The following GALM variants were observed in gnomAD, a reference collection of about 807,000 sequenced individuals.
GALM encodes the protein galactose mutarotase, also known as aldose 1-epimerase.
A neutral mutation model predicts 37.4 loss-of-function variants in GALM; 43 were observed. The ratio of observed to expected loss-of-function variants is 1.15; its 90% CI spans 0.90 to 1.48. The LOEUF (loss-of-function observed/expected upper bound fraction) is 1.48. GALM is among the 40% of genes most tolerant of loss of function. GALM has a pLI of 0.00. For synonymous variants in GALM, 199 were observed against 170.6 expected, an observed-to-expected ratio of 1.17 and a Z score of -1.30; for missense variants, 456 against 419.1, an observed-to-expected ratio of 1.09 and a Z score of -0.77.
At chr2:38,694,539 G>C (rs1665755838) in intron 4 of GALM, among the ~76,000 whole-genome samples, 2 of 152,126 alleles carry the variant, frequency 1.3e-5, no homozygotes, top group South Asian at 4.1e-4. Flanking sequence ...AGGGAAGGAG[G>C]GAGAGGTTTT....
chr2:38,697,776 A>G (rs1017831089), intron 4 of GALM, among the ~76,000 whole-genome samples: 1 of 152,128 alleles, frequency 6.6e-6, no homozygotes, highest in Non-Finnish European at 1.5e-5. Context: ...AAGAGATACC[A>G]TGGTATGCAG....
intron 5 of GALM, among the ~76,000 whole-genome samples, chr2:38,730,112 T>G (rs897631476): frequency 6.6e-6 from 1 of 152,236 alleles, no homozygotes; most frequent in African/African-American, 2.4e-5. Context: ...CCTCCAGCCT[T>G]GACCGATAGA....
chr2:38,700,306 G>A (rs546593831), intron 4 of GALM, among the ~76,000 whole-genome samples: 2 of 152,222 alleles, frequency 1.3e-5, no homozygotes, highest in East Asian at 1.9e-4. Context: ...TAGATGATCT[G>A]TTCAGTGCAG....
chr2:38,682,247 G>A (rs7557775), intron 3 of GALM: 297 of 455,332 alleles, frequency 6.5e-4, no homozygotes, highest in African/African-American at 5.6e-3. Flanking sequence ...AAAGGTAACA[G>A]TTTAGCTCAT....
At chr2:38,727,467 G>A (rs993524848) in intron 4 of GALM, among the ~76,000 whole-genome samples, 1 of 151,690 alleles carries the variant, frequency 6.6e-6, no homozygotes, top group Admixed American at 6.6e-5. Context: ...AGTGGTTCAC[G>A]CCTGTAATCC....
At chr2:38,705,102 T>G (rs1363542735) in intron 4 of GALM, among the ~76,000 whole-genome samples, 1 of 152,176 alleles carries the variant, frequency 6.6e-6, no homozygotes, top group Non-Finnish European at 1.5e-5. Flanking sequence ...GTCAGTGAAT[T>G]TGTCAGAAGG....
At chr2:38,672,288 A>G (rs1361888058) in intron 1 of GALM, among the ~76,000 whole-genome samples, 1 of 152,146 alleles carries the variant, frequency 6.6e-6, no homozygotes, top group Non-Finnish European at 1.5e-5. Flanking sequence ...ACAGTCAAAC[A>G]TCTTGTTTTT....
intron 4 of GALM, among the ~76,000 whole-genome samples, chr2:38,722,655 T>G (rs941462463): frequency 6.6e-6 from 1 of 152,244 alleles, no homozygotes; most frequent in Non-Finnish European, 1.5e-5. Flanking sequence ...TTCTTTTTCC[T>G]GAACACTCAG....
chr2:38,675,539 T>G (rs958721516), intron 1 of GALM, among the ~76,000 whole-genome samples: 2,066 of 82,444 alleles, frequency 0.025, 23 homozygotes, highest in African/African-American at 0.056. Context: ...TTTTTTTTTT[T>G]TTTTTGTGTG....
intron 4 of GALM, among the ~76,000 whole-genome samples, chr2:38,698,608 G>A (rs565664396): frequency 2.0e-5 from 3 of 152,122 alleles, no homozygotes; most frequent in East Asian, 1.9e-4. Flanking sequence ...AGTCCCTCTG[G>A]CATGTGTTTT....
At chr2:38,686,283 T>A (rs1665531888) in intron 3 of GALM, among the ~76,000 whole-genome samples, 1 of 139,898 alleles carries the variant, frequency 7.1e-6, no homozygotes, top group Non-Finnish European at 1.5e-5. Flanking sequence ...TTTCTTATTT[T>A]GAGATGGAGT....
chr2:38,703,057 TA>T (rs1665952510), intron 4 of GALM, among the ~76,000 whole-genome samples: 9 of 2,964 alleles, frequency 3.0e-3, no homozygotes, highest in Admixed American at 5.6e-3. Flanking sequence ...TGGGATTTTA[TA>T]TATATATATA....
At chr2:38,685,671 CA>C (rs1395593208) in intron 3 of GALM, among the ~76,000 whole-genome samples, 1 of 152,096 alleles carries the variant, frequency 6.6e-6, no homozygotes, top group African/African-American at 2.4e-5. Context: ...TGCGTTTTTC[CA>C]GCCTAGAAGA....
chr2:38,682,662 C>T (rs747471845), intron 3 of GALM, among the ~76,000 whole-genome samples: 12 of 152,098 alleles, frequency 7.9e-5, no homozygotes, highest in Non-Finnish European at 1.3e-4. Context: ...TTTGGGAGGC[C>T]GAGATGAGTG....
intron 5 of GALM, among the ~76,000 whole-genome samples, chr2:38,730,404 T>A (rs1215438184): frequency 6.6e-6 from 1 of 152,198 alleles, no homozygotes; most frequent in East Asian, 1.9e-4. Flanking sequence ...GTAGCTGGGA[T>A]AACAGGCACG....
At chr2:38,694,999 T>C (rs1054679664) in intron 4 of GALM, among the ~76,000 whole-genome samples, 6 of 152,118 alleles carry the variant, frequency 3.9e-5, no homozygotes, top group African/African-American at 1.4e-4. Context: ...AGATCCCTTG[T>C]CTTTCTGGTT....
Position 38,729,667 on chromosome 2 carries a change from A to G in GALM, c.746A>G (p.Lys249Arg). ...LNGFDHNFCL[K>R]GSKEKHFCAR... is the part of the protein sequence containing the mutation. Reference sequence around the variant, plus strand: ...GGTTTTGACCACAATTTCTGTCTGAAGGGATCTAAAGAAAAGCATTTTTGT... The same window carrying G: ...GGTTTTGACCACAATTTCTGTCTGAGGGGATCTAAAGAAAAGCATTTTTGT... Residue 249 changes from lysine (K) to arginine (R), a missense_variant, in exon 5 of 7, where the codon AAG becomes AGG. Lys to Arg is a conservative substitution (Grantham distance 26). Transcript: ENST00000272252. 6.2e-7 allele frequency: 1 copy of G among 1,613,498 alleles called. No individual in the cohort carries two copies. The highest frequency in any genetic ancestry group is 8.5e-7 in the Non-Finnish European group (1 of 1,179,554).
At position 38,701,761 on chromosome 2, in the gene GALM, T is replaced by C. The variant is rs571530358; in HGVS notation, c.634+11867T>C. Among the ~76,000 whole-genome samples the C allele has an allele frequency of 3.3e-5, 5 of 152,308 alleles. No homozygotes were observed. The South Asian group carries it at 1.0e-3, about 32-fold the overall frequency. On this transcript the variant is annotated intron_variant, in intron 4 of 6. Transcript: ENST00000272252. ...TCTCTGCCTTGGAGAAATAGCAAAG[T>C]CCAAAGTAGTCTCCTCATTCAAAGA... is the stretch of plus-strand genomic sequence containing the variant.
chr2:38,710,879 G>A (rs1666138082), intron 4 of GALM, among the ~76,000 whole-genome samples: 1 of 150,994 alleles, frequency 6.6e-6, no homozygotes, highest in South Asian at 2.1e-4. Context: ...TCAGCCTCCC[G>A]AGTAGCTGGG....
Sources: gnomAD v4.1 joint callset for allele counts (sites outside exome capture counted in the v4.1 genomes callset) on GRCh38, gnomAD v4.1.1 for gene constraint, MANE v1.5 for transcripts, NCBI Gene and HGNC (gene_info 2026-07-23, HGNC 2026-07-21) for gene names.